Variants in TTLL6 observed in about 807,000 individuals in gnomAD.
The protein encoded by TTLL6 is tubulin polyglutamylase TTLL6.
Under a neutral mutation model 96.4 loss-of-function variants are expected in TTLL6, and 75 were observed. The observed-to-expected ratio is 0.78, with a 90% CI of 0.65 to 0.94. The LOEUF (loss-of-function observed/expected upper bound fraction) is 0.94, where lower values mean the gene tolerates loss of function less well. Ranked by LOEUF, TTLL6 falls within the 40% of genes least tolerant of loss-of-function variation. The probability of loss-of-function intolerance (pLI) is 0.00; values close to 1 mark genes in which losing one functional copy is unlikely to be tolerated. For missense variants in TTLL6, 1,030 were observed against 1,093.0 expected, an observed-to-expected ratio of 0.94 and a Z score of 0.81; for synonymous variants, 411 against 419.4, an observed-to-expected ratio of 0.98 and a Z score of 0.24.
intron 3 of TTLL6, among the ~76,000 whole-genome samples, chr17:48,802,813 G>C (rs550088027): frequency 6.6e-6 from 1 of 152,282 alleles, no homozygotes; most frequent in South Asian, 2.1e-4. Flanking sequence ...GAAGGTTGCA[G>C]TGAGCCAAGA....
At chr17:48,806,480 G>A (rs1031481922) in intron 1 of TTLL6, among the ~76,000 whole-genome samples, 10 of 151,772 alleles carry the variant, frequency 6.6e-5, no homozygotes, top group Admixed American at 2.0e-4. Context: ...CTTCACCTCC[G>A]AAAATCCTGC....
Position 48,813,560 on chromosome 17 carries a change from A to G in TTLL6, c.103+3410T>C, listed in dbSNP as rs564820397. Among the ~76,000 whole-genome samples, 6 of 152,336 alleles carry G rather than the reference A, an allele frequency of 3.9e-5. No individual in the cohort carries two copies. In the South Asian group the frequency reaches 8.3e-4, roughly 21 times the overall value. ...GGAGACAGAACTAGACCTTGCCTCA[A>G]AAACAAAAAGAAAAAGAAAAAGAGA... On this transcript the variant is annotated intron_variant, in intron 1 of 15. Coordinates refer to ENST00000393382, the MANE Select transcript of TTLL6 (RefSeq NM_001130918.3).
At chr17:48,802,795 C>T (rs541239070) in intron 3 of TTLL6, among the ~76,000 whole-genome samples, 37 of 152,184 alleles carry the variant, frequency 2.4e-4, no homozygotes, top group African/African-American at 7.9e-4. Flanking sequence ...CACTTGAACC[C>T]GGGAGGCGAA....
intron 13 of TTLL6, among the ~76,000 whole-genome samples, chr17:48,780,184 C>T (rs1048483100): frequency 6.6e-6 from 1 of 151,994 alleles, no homozygotes; most frequent in Non-Finnish European, 1.5e-5. Flanking sequence ...TTGCTCTGGT[C>T]GCCCAGGCTG....
In TTLL6 at chr17:48,788,368, C is replaced by T. The variant is rs534595414; in HGVS notation, c.1401-369G>A. On this transcript the variant is annotated intron_variant, in intron 10 of 15. Coordinates refer to ENST00000393382, the MANE Select transcript of TTLL6 (RefSeq NM_001130918.3). Reference sequence around the variant, plus strand: ...AGAGAGTGGCAACTTGCACTTTTGCCGAATTTGAGGGCTTCCTGGATGACC... The same window carrying T: ...AGAGAGTGGCAACTTGCACTTTTGCTGAATTTGAGGGCTTCCTGGATGACC... Among the ~76,000 whole-genome samples the T allele has an allele frequency of 2.2e-4, 33 of 152,280 alleles. 1 individual carries two copies. Among genetic ancestry groups the T allele is most frequent in the South Asian group, 1.2e-3 (6 of 4,830 alleles).
At chr17:48,806,599 C>T (rs1222507600) in intron 1 of TTLL6, among the ~76,000 whole-genome samples, 1 of 152,074 alleles carries the variant, frequency 6.6e-6, no homozygotes, top group African/African-American at 2.4e-5. Flanking sequence ...GATAATAATA[C>T]ATTACAATGT....
intron 13 of TTLL6, among the ~76,000 whole-genome samples, chr17:48,782,365 G>A (rs1248936730): frequency 6.6e-6 from 1 of 152,158 alleles, no homozygotes; most frequent in African/African-American, 2.4e-5. Flanking sequence ...ACGTTGGCCA[G>A]GCTGGTCTTG....
At chr17:48,810,826 T>C (rs1233153759) in intron 1 of TTLL6, among the ~76,000 whole-genome samples, 358 of 11,356 alleles carry the variant, frequency 0.032, 10 homozygotes, top group Non-Finnish European at 0.038. Context: ...TATGTGTGTG[T>C]ATATATATAT....
At chr17:48,763,505 T>C (rs117799601) in intron 15 of TTLL6, among the ~76,000 whole-genome samples, 3,124 of 152,248 alleles carry the variant, frequency 0.021, 49 homozygotes, top group South Asian at 0.04. Context: ...CTTAAAATCC[T>C]ACAAAATGAG....
At chr17:48,792,635 T>C (rs577530272) in intron 8 of TTLL6, among the ~76,000 whole-genome samples, 3 of 152,238 alleles carry the variant, frequency 2.0e-5, no homozygotes, top group African/African-American at 7.2e-5. Context: ...CACTAGAAAC[T>C]GTCACCTCTG....
rs2038708622 is a variant in TTLL6, at chr17:48,770,072, G to C, written c.2066C>G (p.Pro689Arg). Residue 689 changes from proline (P) to arginine (R), a missense_variant, in exon 14 of 16, where the codon CCA (proline) becomes CGA (arginine). Coordinates refer to ENST00000393382, the MANE Select transcript of TTLL6 (RefSeq NM_001130918.3). ...TVHLTSVETT[P>R]ESTTQLSISP... is the part of the protein sequence containing the mutation. ...GATTGAGAGTTGGGTGGTGGATTCT[G>C]GGGTGGTTTCTACGGAGGTTAAGTG... 1.2e-6 allele frequency: 2 copies of C among 1,610,876 alleles called. No individual in the cohort carries two copies. Among genetic ancestry groups the C allele is most frequent in the East Asian group, 4.5e-5 (2 of 44,758 alleles).
intron 13 of TTLL6, among the ~76,000 whole-genome samples, chr17:48,782,105 CTTTTTTTT>C (rs34486928): frequency 8.2e-6 from 1 of 122,606 alleles, no homozygotes; most frequent in Non-Finnish European, 1.7e-5. Flanking sequence ...TTTTTCTTTT[CTTTTTTTT>C]TTTTTTTTTT....
chr17:48,803,483 C>CAA (rs201221997), intron 3 of TTLL6, among the ~76,000 whole-genome samples: 7 of 55,140 alleles, frequency 1.3e-4, no homozygotes, highest in African/African-American at 3.2e-4. Flanking sequence ...GATTCCGTGT[C>CAA]AAAAAAAAAA....
chr17:48,806,439 G>C (rs1044790509), intron 1 of TTLL6, among the ~76,000 whole-genome samples: 35 of 152,002 alleles, frequency 2.3e-4, no homozygotes, highest in African/African-American at 8.5e-4. Flanking sequence ...TATGACCACA[G>C]AGCCAATTTT....
intron 9 of TTLL6, 50 bp from the exon 10 acceptor site, chr17:48,790,156 C>T: frequency 1.9e-6 from 3 of 1,596,868 alleles, no homozygotes; most frequent in Non-Finnish European, 2.6e-6. Context: ...AGAATGAAAG[C>T]AGAGAGTGAG....
At position 48,784,917 on chromosome 17, in the gene TTLL6, A is replaced by G; in HGVS notation, c.2040+6T>C. On this transcript the variant is annotated splice_donor_region_variant and intron_variant, in intron 13 of 15. Transcript: ENST00000393382. ...ACTCCCTCCCAGAGCTCGGCTCACT[A>G]CTTACCACAGTGCCAGTGAATACGT... 5.0e-6 allele frequency: 8 copies of G among 1,612,404 alleles called. No individual in the cohort carries two copies. The highest frequency in any genetic ancestry group is 1.3e-5 in the African/African-American group (1 of 74,996).
chr17:48,786,245 C>T lies in TTLL6; in HGVS notation c.1680G>A (p.Glu560=). 1 of 1,614,226 alleles carries T rather than the reference C, an allele frequency of 6.2e-7. No individual in the cohort carries two copies. Among genetic ancestry groups the T allele is most frequent in the Non-Finnish European group, 8.5e-7 (1 of 1,180,038 alleles). ...KVEMQGESAG[E]QVRKKGMRGW... is the part of the protein sequence containing the mutation. ...CCCTCATGCCCTTCTTTCTCACTTG[C>T]TCGCCTGCCGATTCCCCCTGCATCT... The change falls in exon 12 of 16, where the codon GAG becomes GAA. Residue 560 remains glutamate (E), a synonymous_variant. Coordinates refer to ENST00000393382, the MANE Select transcript of TTLL6 (RefSeq NM_001130918.3).
rs1341962487 is a variant in TTLL6 at position 48,786,305 on chromosome 17, C to A, written c.1620G>T (p.Arg540=). 1.9e-6 allele frequency: 3 copies of A among 1,614,098 alleles called. No individual in the cohort carries two copies. The African/African-American group carries it at 4.0e-5, about 22-fold the overall frequency. The change falls in exon 12 of 16, where the codon CGG becomes CGT. Residue 540 remains arginine (R), a synonymous_variant. Transcript: ENST00000393382. ...RQLIQELRLK[R]EKKPFQMKKK... ...TCTTCATTTGGAAGGGCTTTTTCTC[C>A]CGTTTTAGTCTCAGCTCCTGGATCA...
intron 13 of TTLL6, among the ~76,000 whole-genome samples, chr17:48,781,616 T>C (rs761882644): frequency 6.6e-6 from 1 of 152,190 alleles, no homozygotes; most frequent in Non-Finnish European, 1.5e-5. Context: ...AAAATGTTTG[T>C]TCAAGTCCTT....
Sources: gnomAD v4.1 joint callset for allele counts (sites outside exome capture counted in the v4.1 genomes callset) on GRCh38, gnomAD v4.1.1 for gene constraint, MANE v1.5 for transcripts, NCBI Gene and HGNC (gene_info 2026-07-23, HGNC 2026-07-21) for gene names.